Variants in NTRK2 observed in about 807,000 individuals in gnomAD.
NTRK2 encodes the protein neurotrophic receptor tyrosine kinase 2.
Under a neutral mutation model 94.5 loss-of-function variants are expected in NTRK2, and 13 were observed. That is an observed-to-expected ratio of 0.14 (90% CI 0.09 to 0.22). The LOEUF is 0.22. Among genes scored for constraint, NTRK2 ranks in the 10% least tolerant of loss-of-function variants. The pLI, the probability that NTRK2 is intolerant of heterozygous loss-of-function variation, is 1.00. For missense variants in NTRK2, 639 were observed against 1,071.2 expected (o/e 0.60, Z 5.63); for synonymous variants, 372 against 407.4 (o/e 0.91, Z 1.05).
intron 2 of NTRK2, among the ~76,000 whole-genome samples, chr9:84,683,501 C>T (rs999058061): frequency 6.6e-6 from 1 of 152,122 alleles, no homozygotes; most frequent in Non-Finnish European, 1.5e-5. Flanking sequence ...TCATCCATGT[C>T]CCTATAAAAG....
intron 17 of NTRK2, among the ~76,000 whole-genome samples, chr9:84,984,459 G>A (rs980258832): frequency 6.6e-6 from 1 of 151,194 alleles, no homozygotes; most frequent in Non-Finnish European, 1.5e-5. Flanking sequence ...GCGACAGAGC[G>A]AGACTATATC....
chr9:84,949,002 G>T (rs2078689316), intron 16 of NTRK2, among the ~76,000 whole-genome samples: 3 of 152,168 alleles, frequency 2.0e-5, no homozygotes, highest in Non-Finnish European at 4.4e-5. Flanking sequence ...AGGTACCCAG[G>T]TGTCACAATG....
chr9:84,732,784 C>A (rs1047393231), intron 9 of NTRK2, among the ~76,000 whole-genome samples: 1 of 152,114 alleles, frequency 6.6e-6, no homozygotes, highest in African/African-American at 2.4e-5. Context: ...GCTCTTGGAA[C>A]CTGGGAATGT....
At position 84,810,512 on chromosome 9, in the gene NTRK2, G is replaced by C. The variant is rs781713158; in HGVS notation, c.1397-50528G>C. 3.8e-6 allele frequency: 6 copies of C among 1,597,960 alleles called. No homozygotes were observed. The South Asian group carries it at 4.4e-5, about 12-fold the overall frequency. On this transcript the variant is annotated intron_variant, in intron 12 of 18. Transcript: ENST00000277120. ...TTTCATTGATTTTTCTTTTGAGCAT[G>C]ACTTATGTTTTATTTTGTGTTTCTT...
chr9:84,912,459 T>C lies in NTRK2; in HGVS notation c.1634-21703T>C, dbSNP rs576544151. On this transcript the variant is annotated intron_variant, in intron 14 of 18. Coordinates refer to ENST00000277120, the MANE Select transcript of NTRK2 (RefSeq NM_006180.6). The stretch of plus-strand genomic sequence containing the variant: ...GGTTTATTATGTCTTTTTGGTGAAT[T>C]GATTCTTTTATCATTATTTCATATC... 9.9e-5 allele frequency among the ~76,000 whole-genome samples: 15 copies of C among 152,188 alleles called. No homozygotes were observed. The South Asian group carries it at 2.1e-3, about 21-fold the overall frequency.
intron 12 of NTRK2, among the ~76,000 whole-genome samples, chr9:84,759,550 T>C (rs1321740411): frequency 6.6e-6 from 1 of 152,238 alleles, no homozygotes; most frequent in Non-Finnish European, 1.5e-5. Flanking sequence ...TCCATGCTAG[T>C]ATTTTCACTA....
chr9:84,906,373 T>C (rs1162062698), intron 14 of NTRK2, among the ~76,000 whole-genome samples: 1 of 151,952 alleles, frequency 6.6e-6, no homozygotes, highest in Non-Finnish European at 1.5e-5. Flanking sequence ...GAAGGTGGCA[T>C]GTGAGAGAAA....
intron 12 of NTRK2, among the ~76,000 whole-genome samples, chr9:84,773,522 T>G (rs1315695675): frequency 6.6e-6 from 1 of 152,196 alleles, no homozygotes; most frequent in Non-Finnish European, 1.5e-5. Context: ...GTTTTTCCAT[T>G]GCTGATTTTA....
chr9:84,969,549 G>C lies in NTRK2; in HGVS notation c.2172+14032G>C, dbSNP rs574368006. On this transcript the variant is annotated intron_variant, in intron 17 of 18. Transcript: ENST00000277120. Reference sequence around the variant, plus strand: ...CAGCATAGTTATAAAATGTTAAAAGGGTGACATAATAACACGTGTTTTTGT... The same window carrying C: ...CAGCATAGTTATAAAATGTTAAAAGCGTGACATAATAACACGTGTTTTTGT... 1.7e-3 allele frequency among the ~76,000 whole-genome samples: 256 copies of C among 152,282 alleles called. 1 individual carries two copies. Among genetic ancestry groups the C allele is most frequent in the South Asian group, 1.9e-3 (9 of 4,820 alleles).
chr9:84,969,077 T>C (rs1368314387), intron 17 of NTRK2, among the ~76,000 whole-genome samples: 2 of 152,200 alleles, frequency 1.3e-5, no homozygotes, highest in Non-Finnish European at 2.9e-5. Context: ...GCATTGTTGG[T>C]CCACCCTCCC....
At chr9:84,731,271 CA>C (rs1011737859) in intron 9 of NTRK2, among the ~76,000 whole-genome samples, 1 of 151,614 alleles carries the variant, frequency 6.6e-6, no homozygotes, top group Middle Eastern at 3.4e-3. Context: ...CCCTTCTCTA[CA>C]AAAAAAATAC....
At chr9:84,918,591 T>G (rs2077467135) in intron 14 of NTRK2, among the ~76,000 whole-genome samples, 1 of 152,224 alleles carries the variant, frequency 6.6e-6, no homozygotes. Flanking sequence ...AGGGATCTTT[T>G]ATGACAAATT....
At chr9:84,814,967 A>G in intron 12 of NTRK2, 1 of 1,059,716 alleles carries the variant, frequency 9.4e-7, no homozygotes, top group Non-Finnish European at 1.1e-6. Context: ...AGGTTCATCT[A>G]AAGACATAGG....
At chr9:84,785,586 T>C (rs928501842) in intron 12 of NTRK2, among the ~76,000 whole-genome samples, 1 of 152,194 alleles carries the variant, frequency 6.6e-6, no homozygotes, top group Non-Finnish European at 1.5e-5. Flanking sequence ...AGATTACTCT[T>C]GGCTCATGCT....
intron 14 of NTRK2, among the ~76,000 whole-genome samples, chr9:84,933,218 G>T (rs975593528): frequency 2.0e-5 from 3 of 152,162 alleles, no homozygotes; most frequent in Non-Finnish European, 4.4e-5. Flanking sequence ...CGGAACTCCC[G>T]TGCTAAGGGA....
chr9:84,954,451 G>A lies in NTRK2; in HGVS notation c.1938-832G>A, dbSNP rs142910553. On this transcript the variant is annotated intron_variant, in intron 16 of 18. Coordinates refer to ENST00000277120, the MANE Select transcript of NTRK2 (RefSeq NM_006180.6). ...GGTGTGTAAGACAGAAGAAAAATAA[G>A]ATTTAAAAAATCATAGTCCCCCTCC... Among the ~76,000 whole-genome samples, 5 of 152,238 alleles carry A rather than the reference G, an allele frequency of 3.3e-5. No individual in the cohort carries two copies. In the East Asian group the frequency reaches 9.7e-4, roughly 29 times the overall value.
intron 12 of NTRK2, among the ~76,000 whole-genome samples, chr9:84,816,510 G>A (rs1026532121): frequency 3.8e-4 from 58 of 152,212 alleles, no homozygotes; most frequent in African/African-American, 1.2e-3. Flanking sequence ...GCTGGGCGTG[G>A]CGGCTCACAC....
intron 12 of NTRK2, among the ~76,000 whole-genome samples, chr9:84,834,703 G>A (rs1478449718): frequency 6.6e-6 from 1 of 152,152 alleles, no homozygotes; most frequent in Non-Finnish European, 1.5e-5. Flanking sequence ...CCCACTGACT[G>A]CAGGCAACAG....
intron 6 of NTRK2, among the ~76,000 whole-genome samples, chr9:84,712,946 C>G (rs1006733492): frequency 2.2e-4 from 33 of 152,126 alleles, no homozygotes; most frequent in African/African-American, 7.5e-4. Context: ...CTTATTCATG[C>G]TTTTTACACA....
Sources: gnomAD v4.1 joint callset for allele counts (sites outside exome capture counted in the v4.1 genomes callset) on GRCh38, gnomAD v4.1.1 for gene constraint, MANE v1.5 for transcripts, NCBI Gene and HGNC (gene_info 2026-07-23, HGNC 2026-07-21) for gene names.